Variants in FAT3 observed in about 807,000 individuals in gnomAD.
The protein encoded by FAT3 is FAT atypical cadherin 3.
FAT3 carries 95 observed loss-of-function variants against 310.2 expected under a neutral mutation model. The ratio of observed to expected loss-of-function variants is 0.31; its 90% CI spans 0.26 to 0.36. FAT3 has a LOEUF of 0.36. Ranked by LOEUF, FAT3 falls within the 10% of genes least tolerant of loss-of-function variation. The pLI is 1.00. For synonymous variants in FAT3, 2,314 were observed against 2,192.9 expected (o/e 1.06, Z -1.54); for missense variants, 5,408 against 5,715.6 (o/e 0.95, Z 1.74).
At chr11:92,395,515 A>T (rs1949848659) in intron 2 of FAT3, among the ~76,000 whole-genome samples, 1 of 151,744 alleles carries the variant, frequency 6.6e-6, no homozygotes, top group African/African-American at 2.4e-5. Context: ...TTCTACAAGG[A>T]TGCCCTTTTT....
intron 3 of FAT3, among the ~76,000 whole-genome samples, chr11:92,682,169 C>G (rs548020151): frequency 4.5e-4 from 68 of 152,290 alleles, no homozygotes; most frequent in Non-Finnish European, 7.4e-4. Context: ...TGCTAAGATT[C>G]AATCTCCTCA....
intron 2 of FAT3, among the ~76,000 whole-genome samples, chr11:92,417,581 C>T (rs1370896351): frequency 6.6e-6 from 1 of 152,034 alleles, no homozygotes; most frequent in Non-Finnish European, 1.5e-5. Flanking sequence ...GGGAAATCTT[C>T]AGAGGGGAAG....
At chr11:92,444,665 G>C (rs1032562666) in intron 2 of FAT3, among the ~76,000 whole-genome samples, 1 of 138,524 alleles carries the variant, frequency 7.2e-6, no homozygotes, top group Non-Finnish European at 1.5e-5. Context: ...TTACTGGGGG[G>C]GGGGGAAAAC....
intron 1 of FAT3, among the ~76,000 whole-genome samples, chr11:92,228,821 A>T (rs1222455971): frequency 6.6e-6 from 1 of 152,224 alleles, no homozygotes; most frequent in Non-Finnish European, 1.5e-5. Context: ...GGCAAGAAGG[A>T]GAAAGATAGT....
At chr11:92,268,145 C>G (rs1219373809) in intron 1 of FAT3, among the ~76,000 whole-genome samples, 2 of 151,948 alleles carry the variant, frequency 1.3e-5, no homozygotes, top group Non-Finnish European at 2.9e-5. Flanking sequence ...CTTTCAGTAC[C>G]TTATCTCATT....
At chr11:92,366,483 T>G in intron 2 of FAT3, 1 of 436,228 alleles carries the variant, frequency 2.3e-6, no homozygotes. Flanking sequence ...GACAGTAGCT[T>G]GCCCGCCAGC....
At chr11:92,246,368 G>C (rs989623192) in intron 1 of FAT3, among the ~76,000 whole-genome samples, 3 of 152,084 alleles carry the variant, frequency 2.0e-5, no homozygotes, top group Admixed American at 2.0e-4. Flanking sequence ...CATGAGTTGT[G>C]CACCATGCAC....
At chr11:92,725,914 AT>A (rs534864634) in intron 4 of FAT3, among the ~76,000 whole-genome samples, 4 of 151,338 alleles carry the variant, frequency 2.6e-5, no homozygotes, top group East Asian at 1.9e-4. Context: ...TAGACAGTTT[AT>A]TTTTTTTTAG....
chr11:92,516,263 A>T (rs1338095883), intron 2 of FAT3, among the ~76,000 whole-genome samples: 2 of 152,182 alleles, frequency 1.3e-5, no homozygotes, highest in Non-Finnish European at 2.9e-5. Context: ...AACTGAATCC[A>T]GCAGCACATC....
chr11:92,575,203 T>G (rs894016566), intron 3 of FAT3, among the ~76,000 whole-genome samples: 6 of 152,252 alleles, frequency 3.9e-5, no homozygotes, highest in Middle Eastern at 3.4e-3. Context: ...ATGTAAGGAT[T>G]ATTGAGCTAA....
intron 10 of FAT3, 134 bp downstream of exon 10, chr11:92,802,043 A>G: frequency 1.1e-6 from 1 of 887,930 alleles, no homozygotes; most frequent in South Asian, 1.8e-5. Context: ...GGAGCTGAGT[A>G]AAGGATCTCT....
At chr11:92,578,952 A>G (rs941429027) in intron 3 of FAT3, among the ~76,000 whole-genome samples, 16 of 152,160 alleles carry the variant, frequency 1.1e-4, no homozygotes, top group African/African-American at 3.4e-4. Context: ...ACTGATGAAA[A>G]TAAAGACAGT....
At chr11:92,449,486 A>C (rs532821935) in intron 2 of FAT3, among the ~76,000 whole-genome samples, 2 of 152,184 alleles carry the variant, frequency 1.3e-5, no homozygotes, top group African/African-American at 4.8e-5. Context: ...ATTCTTCCCA[A>C]ATGCACTAAC....
At chr11:92,635,524 A>G (rs1941734949) in intron 3 of FAT3, among the ~76,000 whole-genome samples, 1 of 152,226 alleles carries the variant, frequency 6.6e-6, no homozygotes, top group Non-Finnish European at 1.5e-5. Flanking sequence ...TTTTAATTAT[A>G]TGGAGAAGAA....
At chr11:92,472,498 T>C (rs1468412959) in intron 2 of FAT3, among the ~76,000 whole-genome samples, 1 of 152,186 alleles carries the variant, frequency 6.6e-6, no homozygotes, top group African/African-American at 2.4e-5. Context: ...TACTGAGGCA[T>C]TGGGACGTAG....
chr11:92,492,991 A>C (rs1952652194), intron 2 of FAT3, among the ~76,000 whole-genome samples: 1 of 152,120 alleles, frequency 6.6e-6, no homozygotes, highest in East Asian at 1.9e-4. Flanking sequence ...TTTTCTTTAC[A>C]TTTTCTACAA....
At chr11:92,300,304 C>T (rs1409981181) in intron 1 of FAT3, among the ~76,000 whole-genome samples, 4 of 152,120 alleles carry the variant, frequency 2.6e-5, no homozygotes, top group African/African-American at 9.7e-5. Context: ...TCTGAGGTCA[C>T]TTTCATGGGC....
At chr11:92,509,977 T>A (rs1287190230) in intron 2 of FAT3, among the ~76,000 whole-genome samples, 1 of 152,164 alleles carries the variant, frequency 6.6e-6, no homozygotes, top group African/African-American at 2.4e-5. Flanking sequence ...AAGTTTCTGC[T>A]GTTCAAAAGA....
rs2136352877 is a variant in FAT3, at chr11:92,867,175, G to C, written c.12093G>C (p.Gln4031His). 1 of 1,590,112 alleles carries C rather than the reference G, an allele frequency of 6.3e-7. No homozygotes were observed. The change falls in exon 22 of 28, where the codon CAG becomes CAC. Residue 4031 changes from glutamine to histidine, a missense_variant. By Grantham distance (24) the Gln-to-His change is conservative (BLOSUM62 0). Around this residue, in one of 5 missense-constraint regions of FAT3, gnomAD observed 4,588 missense variants for 4,809.8 expected, o/e 0.95. Transcript: ENST00000525166. ...ACGCCTGCAAGCGCAGCCCGTGCCA[G>C]CACGGGGGCAGCTGCACTGGCCTGC... ...YPDACKRSPC[Q>H]HGGSCTGLPS...
Sources: allele counts gnomAD v4.1 joint callset (sites outside exome capture counted in the v4.1 genomes callset), GRCh38; gene constraint gnomAD v4.1.1; regional missense constraint gnomAD v4.1.1; transcripts MANE v1.5; gene names NCBI Gene and HGNC (gene_info 2026-07-23, HGNC 2026-07-21).